DVL1: variants seen among roughly 807,000 people sequenced by gnomAD.
DVL1 encodes dishevelled segment polarity protein 1.
DVL1 carries 49 observed loss-of-function variants against 65.0 expected under a neutral mutation model. The ratio of observed to expected loss-of-function variants is 0.75; its 90% confidence interval spans 0.60 to 0.96. The LOEUF (loss-of-function observed/expected upper bound fraction) is 0.96, where lower values mean the gene tolerates loss of function less well. Ranked by LOEUF, DVL1 falls within the 40% of genes least tolerant of loss-of-function variation. The pLI, the probability that DVL1 is intolerant of heterozygous loss-of-function variation, is 0.00. For synonymous variants in DVL1, 608 were observed against 433.9 expected, an observed-to-expected ratio of 1.40 and a Z score of -4.99; for missense variants, 1,197 against 1,045.4, an observed-to-expected ratio of 1.15 and a Z score of -2.00.
In DVL1 at chr1:1,342,373, G is replaced by A. The variant is rs891720496; in HGVS notation, c.352C>T (p.Pro118Ser). The change falls in exon 3 of 15, where the codon CCC becomes TCC. Residue 118 changes from proline (P) to serine (S), a missense_variant. Pro to Ser is a moderately conservative substitution (Grantham distance 74, BLOSUM62 -1). Transcript: ENST00000378888. ...CCACGGTGTCCTTACTGGAAGGAGG[G>A]GGGCCGGGAGTCCCCGATGCCGCCT... The part of the protein sequence containing the change: ...RTGGIGDSRP[P>S]SFHPNVASSR... The A allele has an allele frequency of 4.4e-6, 7 of 1,579,332 alleles. No individual in the cohort carries two copies. Among genetic ancestry groups the A allele is most frequent in the Non-Finnish European group, 4.3e-6 (5 of 1,164,698 alleles).
intron 5 of DVL1, 118 bp from the exon 6 acceptor site, chr1:1,340,621 C>G (rs1246852249): frequency 1.8e-6 from 2 of 1,126,770 alleles, no homozygotes; most frequent in Non-Finnish European, 2.6e-6. Context: ...CCAAAGCAGG[C>G]TCAGTGCCTG....
rs760024382 is a variant in DVL1, at chr1:1,336,240, G to A, written c.1990C>T (p.Arg664Trp). The A allele has an allele frequency of 9.6e-6, 15 of 1,558,542 alleles. No individual in the cohort carries two copies. The highest frequency in any genetic ancestry group is 7.1e-5 in the East Asian group (3 of 42,480). Residue 664 changes from arginine (R) to tryptophan (W), a missense_variant, in exon 15 of 15, where the codon CGG becomes TGG. Transcript: ENST00000378888. The stretch of plus-strand genomic sequence containing the variant: ...TCCGGGGGGACGGCAGCCAGCTCCC[G>A]GACAGGGGGTCCCCCGGGTGGCCCC... ...VGGPPGGPPV[R>W]ELAAVPPELT... is the part of the protein sequence containing the mutation.
At chr1:1,345,175 C>T (rs1430960536) in intron 1 of DVL1, among the ~76,000 whole-genome samples, 1 of 152,168 alleles carries the variant, frequency 6.6e-6, no homozygotes, top group Non-Finnish European at 1.5e-5. Context: ...AGACCCCAGG[C>T]TGCCTGGGAT....
At position 1,342,684 on chromosome 1, in the gene DVL1, C is replaced by G; in HGVS notation, c.240+5G>C. ...AGCCTTCGGGGCCAAGACACAGGGG[C>G]TCACCCAGGAGACCACGCGGCCGTT... is the stretch of plus-strand genomic sequence containing the variant. On this transcript the variant is annotated splice_donor_5th_base_variant and intron_variant, in intron 2 of 14. Coordinates refer to ENST00000378888, the MANE Select transcript of DVL1 (RefSeq NM_001330311.2). 6.2e-7 allele frequency: 1 copy of G among 1,612,860 alleles called. No homozygotes were observed. The highest frequency in any genetic ancestry group is 1.1e-5 in the South Asian group (1 of 91,076).
intron 14 of DVL1, among the ~76,000 whole-genome samples, 186 bp from the exon 15 acceptor site, chr1:1,336,701 A>G (rs1643589554): frequency 6.6e-6 from 1 of 152,156 alleles, no homozygotes; most frequent in Admixed American, 6.5e-5. Flanking sequence ...TGCGGCAGGC[A>G]TGGGCTGGTG....
Position 1,336,481 on chromosome 1 carries a change from G to C in DVL1, c.1749C>G (p.Arg583=). 1 of 1,548,270 alleles carries C rather than the reference G, an allele frequency of 6.5e-7. No homozygotes were observed. Among genetic ancestry groups the C allele is most frequent in the Non-Finnish European group, 8.6e-7 (1 of 1,156,416 alleles). The stretch of plus-strand genomic sequence containing the variant: ...GCTCCTTCTCACGGCCCGGGGCCCG[G>C]CGGCTGCTCCGGGTGGACCCACTGC... ...SKSSGSTRSS[R]RAPGREKERR... is the part of the protein sequence containing the mutation. The change falls in exon 15 of 15, where the codon CGC becomes CGG. Residue 583 remains arginine (R), a synonymous_variant. Coordinates refer to ENST00000378888, the MANE Select transcript of DVL1 (RefSeq NM_001330311.2).
At chr1:1,348,118 T>C (rs1030986264) in intron 1 of DVL1, among the ~76,000 whole-genome samples, 7 of 152,220 alleles carry the variant, frequency 4.6e-5, no homozygotes, top group Non-Finnish European at 8.8e-5. Context: ...CTCAGGTTAC[T>C]GGTGGCTGGG....
intron 1 of DVL1, among the ~76,000 whole-genome samples, chr1:1,347,763 G>A (rs1643939731): frequency 6.6e-6 from 1 of 152,152 alleles, no homozygotes. Context: ...TGCCCAACCT[G>A]ACCGGAGCGG....
intron 5 of DVL1, 39 bp from the exon 6 acceptor site, chr1:1,340,542 A>G (rs1270642031): frequency 1.9e-6 from 3 of 1,558,028 alleles, no homozygotes; most frequent in East Asian, 2.3e-5. Flanking sequence ...AGCTGGAGAC[A>G]TGGGTAGGGG....
Position 1,339,656 on chromosome 1 carries a change from G to C in DVL1, c.987-7C>G, listed in dbSNP as rs967097192. The C allele has an allele frequency of 6.2e-7, 1 of 1,611,428 alleles. No homozygotes were observed. The highest frequency in any genetic ancestry group is 1.1e-5 in the South Asian group (1 of 91,000). ...CACAGTGAGGCTGATGGGCCTGCAG[G>C]AACGGTGGTCACACAGCAAGGCCCC... On this transcript the variant is annotated splice_region_variant and splice_polypyrimidine_tract_variant and intron_variant, in intron 9 of 14. Transcript: ENST00000378888.
Position 1,336,211 on chromosome 1 carries a change from C to A in DVL1, c.2019G>T (p.Leu673Phe). The A allele has an allele frequency of 6.4e-7, 1 of 1,561,788 alleles. No individual in the cohort carries two copies. Among genetic ancestry groups the A allele is most frequent in the Non-Finnish European group, 8.6e-7 (1 of 1,158,902 alleles). The change falls in exon 15 of 15, where the codon TTG becomes TTT. Residue 673 changes from leucine (L) to phenylalanine (F), a missense_variant. By Grantham distance (22) the Leu-to-Phe change is conservative. Coordinates refer to ENST00000378888, the MANE Select transcript of DVL1 (RefSeq NM_001330311.2). ...TCTGGAAGGACTGGCGGCTGCCTGT[C>A]AATTCCGGGGGGACGGCAGCCAGCT... The part of the protein sequence containing the change: ...VRELAAVPPE[L>F]TGSRQSFQKA...
chr1:1,338,125 C>T lies in DVL1; in HGVS notation c.1566G>A (p.Leu522=), dbSNP rs779479020. 3 of 1,609,572 alleles carry T rather than the reference C, an allele frequency of 1.9e-6. No individual in the cohort carries two copies. The Admixed American group carries it at 5.0e-5, about 27-fold the overall frequency. Residue 522 remains leucine (L), a synonymous_variant, in exon 14 of 15, where the codon CTG becomes CTA. Transcript: ENST00000378888. The part of the protein sequence containing the change: ...GSSGTSDQDT[L]APLPHPAAPW... ...GGGCAGCCGGGTGGGGCAGCGGGGC[C>T]AGCGTGTCCTGATCCGAAGTCCCAC... is the stretch of plus-strand genomic sequence containing the variant.
intron 14 of DVL1, chr1:1,337,597 G>C (rs922735974): frequency 4.9e-6 from 2 of 405,854 alleles, no homozygotes; most frequent in Non-Finnish European, 9.4e-6. Context: ...TACCATAGGA[G>C]AACCACCAGC....
chr1:1,339,853 A>G (rs775881968), intron 8 of DVL1, 41 bp from the exon 9 acceptor site: 3 of 1,599,626 alleles, frequency 1.9e-6, no homozygotes, highest in South Asian at 2.2e-5. Flanking sequence ...CAGGATGTGC[A>G]GCTCAGTCCA....
Position 1,345,059 on chromosome 1 carries a change from C to A in DVL1, c.171-2301G>T, listed in dbSNP as rs372742292. 1.8e-4 allele frequency among the ~76,000 whole-genome samples: 28 copies of A among 151,990 alleles called. 2 individuals are homozygous for A. Among genetic ancestry groups the A allele is most frequent in the East Asian group, 1.5e-3 (8 of 5,194 alleles). On this transcript the variant is annotated intron_variant, in intron 1 of 14. Coordinates refer to ENST00000378888, the MANE Select transcript of DVL1 (RefSeq NM_001330311.2). ...ACTGGAGGGAGACTCGGCCACCCAG[C>A]ACCCCAGTACAGCACCCGCCTGGCT...
In DVL1 at chr1:1,342,375, G is replaced by T; in HGVS notation, c.350C>A (p.Pro117His). The T allele has an allele frequency of 6.3e-7, 1 of 1,580,084 alleles. No homozygotes were observed. ...ACGGTGTCCTTACTGGAAGGAGGGG[G>T]GCCGGGAGTCCCCGATGCCGCCTGT... ...ERTGGIGDSR[P>H]PSFHPNVASS... Residue 117 changes from proline to histidine, a missense_variant, in exon 3 of 15, where the codon CCC becomes CAC. By Grantham distance (77) the Pro-to-His change is moderately conservative (BLOSUM62 -2). Coordinates refer to ENST00000378888, the MANE Select transcript of DVL1 (RefSeq NM_001330311.2).
At position 1,338,258 on chromosome 1, in the gene DVL1, C is replaced by G. The variant is rs1370492431; in HGVS notation, c.1507+11G>C. 19 of 1,542,136 alleles carry G rather than the reference C, an allele frequency of 1.2e-5. No homozygotes were observed. Among genetic ancestry groups the G allele is most frequent in the Non-Finnish European group, 1.6e-5 (18 of 1,124,376 alleles). On this transcript the variant is annotated intron_variant, in intron 13 of 14. Coordinates refer to ENST00000378888, the MANE Select transcript of DVL1 (RefSeq NM_001330311.2). ...CTCCCCCCCGCCCTGAAGCCCGAAGCCCCCACTCACTGCTGCAGAGATCCC... is the reference window on the plus strand; with the variant it reads ...CTCCCCCCCGCCCTGAAGCCCGAAGGCCCCACTCACTGCTGCAGAGATCCC...
At position 1,335,875 on chromosome 1, in the gene DVL1, A is replaced by C; in HGVS notation, c.*267T>G. The stretch of plus-strand genomic sequence containing the variant: ...AGCCCGAGGGGGTCTTCCTCATCCC[A>C]GGAGGGATCCCCACCAGACACAAGG... On this transcript the variant is annotated 3_prime_UTR_variant, in exon 15 of 15. Transcript: ENST00000378888. 1.8e-6 allele frequency: 1 copy of C among 560,472 alleles called. No individual in the cohort carries two copies. The highest frequency in any genetic ancestry group is 3.1e-5 in the East Asian group (1 of 31,934). The allele number at this position is 560,472 out of a possible 1,614,324, so 34.7% of individuals were successfully genotyped here.
chr1:1,341,890 G>A (rs1643844289), intron 4 of DVL1, 85 bp from the exon 5 acceptor site: 6 of 1,482,830 alleles, frequency 4.0e-6, no homozygotes, highest in Non-Finnish European at 5.4e-6. Context: ...CTGCATGCCT[G>A]TGGGTCTGGG....
Sources: gnomAD v4.1 joint callset for allele counts (sites outside exome capture counted in the v4.1 genomes callset) on GRCh38, gnomAD v4.1.1 for gene constraint, MANE v1.5 for transcripts, NCBI Gene and HGNC (gene_info 2026-07-23, HGNC 2026-07-21) for gene names.